SLC25A21: variants seen among roughly 807,000 people sequenced by gnomAD.
SLC25A21 encodes the protein solute carrier family 25 member 21.
A neutral mutation model predicts 43.8 loss-of-function variants in SLC25A21; 47 were observed. That is an observed-to-expected ratio of 1.07 (90% CI 0.85 to 1.37). SLC25A21 has a LOEUF of 1.37. Ranked by LOEUF, SLC25A21 falls within the 40% of genes most tolerant of loss-of-function variation. The pLI, the probability that SLC25A21 is intolerant of heterozygous loss-of-function variation, is 0.00. For synonymous variants in SLC25A21, 131 were observed against 121.3 expected, an observed-to-expected ratio of 1.08 and a Z score of -0.52; for missense variants, 352 against 350.2, an observed-to-expected ratio of 1.00 and a Z score of -0.04.
chr14:36,865,034 T>A (rs1235975349), intron 2 of SLC25A21, among the ~76,000 whole-genome samples: 2 of 151,986 alleles, frequency 1.3e-5, no homozygotes, highest in African/African-American at 4.8e-5. Flanking sequence ...TTTCTTTCTT[T>A]TTTTTTTTTA....
At chr14:36,781,761 AAAGT>A (rs1261409365) in intron 3 of SLC25A21, among the ~76,000 whole-genome samples, 4 of 152,224 alleles carry the variant, frequency 2.6e-5, no homozygotes, top group African/African-American at 9.6e-5. Flanking sequence ...ACTAGAGTTA[AAAGT>A]AAGTTATGCA....
At chr14:36,848,605 T>G (rs1461128588) in intron 2 of SLC25A21, among the ~76,000 whole-genome samples, 2 of 152,176 alleles carry the variant, frequency 1.3e-5, no homozygotes, top group Admixed American at 1.3e-4. Flanking sequence ...TCGGTAGAAA[T>G]GCAGTAAAGC....
At chr14:36,941,957 C>T (rs1892569959) in intron 1 of SLC25A21, among the ~76,000 whole-genome samples, 1 of 151,942 alleles carries the variant, frequency 6.6e-6, no homozygotes, top group Admixed American at 6.6e-5. Flanking sequence ...ACATGCACAT[C>T]ATCAGAGGAG....
At position 36,760,124 on chromosome 14, in the gene SLC25A21, C is replaced by T. The variant is rs528700679; in HGVS notation, c.204-25551G>A. Among the ~76,000 whole-genome samples, 7 of 152,246 alleles carry T rather than the reference C, an allele frequency of 4.6e-5. No individual in the cohort carries two copies. In the South Asian group the frequency reaches 6.2e-4, roughly 14 times the overall value. On this transcript the variant is annotated intron_variant, in intron 3 of 9. Transcript: ENST00000331299. Reference sequence around the variant, plus strand: ...GTTCACTGGCAGTCGCTGAGGACTTCGCTCCTGGGATGTGCCCAGGAGATG... The same window carrying T: ...GTTCACTGGCAGTCGCTGAGGACTTTGCTCCTGGGATGTGCCCAGGAGATG...
At chr14:36,840,707 T>A (rs1889358722) in intron 2 of SLC25A21, among the ~76,000 whole-genome samples, 1 of 152,246 alleles carries the variant, frequency 6.6e-6, no homozygotes, top group African/African-American at 2.4e-5. Flanking sequence ...AATGGAATCA[T>A]GTAACACACA....
At chr14:36,759,861 A>C (rs1350798366) in intron 3 of SLC25A21, 1 of 152,266 alleles carries the variant, frequency 6.6e-6, no homozygotes, top group Admixed American at 6.5e-5. Context: ...CCAGCGACTC[A>C]GGAGGCTGAG....
rs575628909 is a variant in SLC25A21, at chr14:36,898,189, G to A, written c.71-23185C>T. Reference sequence around the variant, plus strand: ...AGCTGCAGTGGGCTACACCCAGTTCGAGCTTCCCGGCCTCTTTGTTTACCC... The same window carrying A: ...AGCTGCAGTGGGCTACACCCAGTTCAAGCTTCCCGGCCTCTTTGTTTACCC... On this transcript the variant is annotated intron_variant, in intron 1 of 9. Transcript: ENST00000331299. 3.2e-3 allele frequency among the ~76,000 whole-genome samples: 488 copies of A among 152,310 alleles called. 4 individuals are homozygous for A. The highest frequency in any genetic ancestry group is 0.011 in the African/African-American group (456 of 41,568).
chr14:37,004,135 A>G (rs1165034535), intron 1 of SLC25A21, among the ~76,000 whole-genome samples: 1 of 152,164 alleles, frequency 6.6e-6, no homozygotes, highest in Non-Finnish European at 1.5e-5. Context: ...TTGGTGCCAC[A>G]TGTTCTCTGT....
At chr14:36,776,238 C>CTTTTTTTTTT (rs35856297) in intron 3 of SLC25A21, among the ~76,000 whole-genome samples, 6 of 89,902 alleles carry the variant, frequency 6.7e-5, no homozygotes, top group Admixed American at 1.6e-4. Flanking sequence ...TTCTTTCTTT[C>CTTTTTTTTTT]TTTTTTTTTT....
chr14:36,693,824 T>C (rs1882895472), intron 7 of SLC25A21, among the ~76,000 whole-genome samples: 1 of 152,112 alleles, frequency 6.6e-6, no homozygotes, highest in South Asian at 2.1e-4. Context: ...AAAAATGTTT[T>C]GGAGAGACAG....
chr14:37,081,938 T>C (rs1339520897), intron 1 of SLC25A21, among the ~76,000 whole-genome samples: 1 of 152,212 alleles, frequency 6.6e-6, no homozygotes, highest in South Asian at 2.1e-4. Context: ...TCCACATTGA[T>C]AGAAAACTGT....
chr14:36,808,466 T>A (rs1357398730), intron 3 of SLC25A21, among the ~76,000 whole-genome samples: 1 of 152,208 alleles, frequency 6.6e-6, no homozygotes, highest in African/African-American at 2.4e-5. Context: ...GATATAAAGC[T>A]GCTTTAAGTC....
intron 1 of SLC25A21, among the ~76,000 whole-genome samples, chr14:36,914,935 A>C (rs1297186002): frequency 2.6e-5 from 4 of 152,150 alleles, no homozygotes; most frequent in Non-Finnish European, 5.9e-5. Flanking sequence ...AAGGCATTTT[A>C]AATAAAAATA....
rs373470423 is a variant in SLC25A21, at chr14:36,711,456, T to C, written c.465A>G (p.Arg155=). ...AEQPSTVGYA[R]QIIKKEGWGL... Reference sequence around the variant, plus strand: ...CCCAGCCTTCCTTCTTAATGATTTGTCTTGCATAACCCACAGTGGATGGTT... The same window carrying C: ...CCCAGCCTTCCTTCTTAATGATTTGCCTTGCATAACCCACAGTGGATGGTT... Residue 155 remains arginine, a synonymous_variant, in exon 7 of 10, where the codon AGA becomes AGG. Coordinates refer to ENST00000331299, the MANE Select transcript of SLC25A21 (RefSeq NM_030631.4). The C allele has an allele frequency of 3.7e-6, 6 of 1,613,974 alleles. No individual in the cohort carries two copies. In the African/African-American group the frequency reaches 8.0e-5, roughly 22 times the overall value.
rs191573032 is a variant in SLC25A21 at position 36,781,879 on chromosome 14, T to C, written c.203+32039A>G. ...TTCATGTTACTAATTAACATCCTTTTATTTAATCTTGAAGAACTCCTTTTA... is the reference window on the plus strand; with the variant it reads ...TTCATGTTACTAATTAACATCCTTTCATTTAATCTTGAAGAACTCCTTTTA... On this transcript the variant is annotated intron_variant, in intron 3 of 9. Transcript: ENST00000331299. 1.5e-4 allele frequency among the ~76,000 whole-genome samples: 23 copies of C among 152,342 alleles called. No individual in the cohort carries two copies. In the East Asian group the frequency reaches 4.2e-3, roughly 28 times the overall value.
intron 1 of SLC25A21, among the ~76,000 whole-genome samples, chr14:37,119,313 C>G (rs1963162908): frequency 6.6e-6 from 1 of 152,152 alleles, no homozygotes; most frequent in African/African-American, 2.4e-5. Context: ...CTTTGGGAAG[C>G]TGAGGCAGGT....
chr14:36,998,943 A>C (rs1960429969), intron 1 of SLC25A21, among the ~76,000 whole-genome samples: 1 of 152,106 alleles, frequency 6.6e-6, no homozygotes, highest in Non-Finnish European at 1.5e-5. Flanking sequence ...ATTCTCACTC[A>C]CTCATTCACT....
At chr14:36,941,604 T>G (rs1892559524) in intron 1 of SLC25A21, among the ~76,000 whole-genome samples, 1 of 151,896 alleles carries the variant, frequency 6.6e-6, no homozygotes, top group Non-Finnish European at 1.5e-5. Context: ...GGCATGGAAT[T>G]TTTTATTATA....
chr14:37,164,415 G>T (rs1012591130), intron 1 of SLC25A21, among the ~76,000 whole-genome samples: 1 of 151,956 alleles, frequency 6.6e-6, no homozygotes, highest in Non-Finnish European at 1.5e-5. Flanking sequence ...TGTCATAAAG[G>T]CTCACCTGTT....
Sources: allele counts gnomAD v4.1 joint callset (sites outside exome capture counted in the v4.1 genomes callset), GRCh38; gene constraint gnomAD v4.1.1; transcripts MANE v1.5; gene names NCBI Gene and HGNC (gene_info 2026-07-23, HGNC 2026-07-21).